The following GPM6A variants were observed in gnomAD, a reference collection of about 807,000 sequenced individuals.
GPM6A encodes neuronal membrane glycoprotein M6-a.
Under a neutral mutation model 32.1 loss-of-function variants are expected in GPM6A, and 7 were observed. The ratio of observed to expected loss-of-function variants is 0.22; its 90% confidence interval spans 0.12 to 0.41. The LOEUF (loss-of-function observed/expected upper bound fraction) is 0.41. Ranked by LOEUF, GPM6A falls within the 10% of genes least tolerant of loss-of-function variation. GPM6A has a pLI of 1.00. For synonymous variants in GPM6A, 130 were observed against 123.4 expected (o/e 1.05, Z -0.35); for missense variants, 235 against 347.2 (o/e 0.68, Z 2.57).
At chr4:175,929,550 T>C (rs969612646) in intron 1 of GPM6A, among the ~76,000 whole-genome samples, 2 of 152,200 alleles carry the variant, frequency 1.3e-5, no homozygotes, top group South Asian at 2.1e-4. Flanking sequence ...GGATGAGGCA[T>C]GTATACGACT....
chr4:175,703,584 A>T (rs1429014695), intron 1 of GPM6A, among the ~76,000 whole-genome samples: 1 of 152,222 alleles, frequency 6.6e-6, no homozygotes, highest in East Asian at 1.9e-4. Context: ...TTACTTATTA[A>T]AACACAGCTT....
chr4:175,635,147 C>T (rs1411991665), intron 6 of GPM6A, 90 bp from the exon 7 acceptor site: 3 of 907,234 alleles, frequency 3.3e-6, no homozygotes, highest in African/African-American at 3.4e-5. Flanking sequence ...CGAATTATAG[C>T]TCTTTATAGG....
chr4:175,935,813 T>C (rs1739200802), intron 1 of GPM6A, among the ~76,000 whole-genome samples: 2 of 151,990 alleles, frequency 1.3e-5, no homozygotes, highest in Admixed American at 1.3e-4. Flanking sequence ...ATAGTGGATG[T>C]TCAAGAGTAA....
At chr4:175,794,763 T>C (rs1191523361) in intron 1 of GPM6A, among the ~76,000 whole-genome samples, 1 of 152,114 alleles carries the variant, frequency 6.6e-6, no homozygotes, top group Non-Finnish European at 1.5e-5. Context: ...ACACATCACG[T>C]GAGGGCATGC....
At chr4:175,980,122 G>T (rs1740777759) in intron 1 of GPM6A, among the ~76,000 whole-genome samples, 1 of 152,072 alleles carries the variant, frequency 6.6e-6, no homozygotes, top group Non-Finnish European at 1.5e-5. Context: ...CAGTTTGGGG[G>T]GCTCAGGCAG....
chr4:175,720,765 C>T (rs1208333224), intron 1 of GPM6A, among the ~76,000 whole-genome samples: 2 of 152,050 alleles, frequency 1.3e-5, no homozygotes, highest in East Asian at 3.9e-4. Flanking sequence ...AACATGATGT[C>T]CAGTCAAATT....
At chr4:175,696,253 T>A (rs1300546825) in intron 2 of GPM6A, among the ~76,000 whole-genome samples, 1 of 152,116 alleles carries the variant, frequency 6.6e-6, no homozygotes, top group Non-Finnish European at 1.5e-5. Context: ...ATACATCCCT[T>A]TTACTGATTA....
intron 2 of GPM6A, among the ~76,000 whole-genome samples, chr4:175,688,606 T>C (rs765156930): frequency 6.6e-6 from 1 of 151,656 alleles, no homozygotes; most frequent in Non-Finnish European, 1.5e-5. Flanking sequence ...AGAGTGACTA[T>C]AGTTAAAAAT....
intron 4 of GPM6A, among the ~76,000 whole-genome samples, chr4:175,649,327 G>T (rs1181510311): frequency 6.6e-6 from 1 of 152,174 alleles, no homozygotes; most frequent in Non-Finnish European, 1.5e-5. Context: ...TTAATTTGGG[G>T]ATCACAAGCA....
chr4:175,799,926 G>A (rs1008113080), intron 1 of GPM6A, among the ~76,000 whole-genome samples: 2 of 152,078 alleles, frequency 1.3e-5, no homozygotes, highest in Non-Finnish European at 2.9e-5. Context: ...TTGAGCAAGA[G>A]GCTTAATATA....
chr4:175,926,243 C>T (rs1167007662), intron 1 of GPM6A, among the ~76,000 whole-genome samples: 1 of 152,066 alleles, frequency 6.6e-6, no homozygotes, highest in African/African-American at 2.4e-5. Flanking sequence ...AATGTTTATT[C>T]AAAGTATCCA....
intron 1 of GPM6A, among the ~76,000 whole-genome samples, chr4:175,931,970 T>C (rs1172643498): frequency 6.6e-6 from 1 of 151,576 alleles, no homozygotes; most frequent in Non-Finnish European, 1.5e-5. Context: ...TGCATGCCTG[T>C]AGTCCTAGCT....
At chr4:175,952,652 C>T (rs1255240934) in intron 1 of GPM6A, among the ~76,000 whole-genome samples, 3 of 152,090 alleles carry the variant, frequency 2.0e-5, no homozygotes, top group Non-Finnish European at 4.4e-5. Flanking sequence ...TTTTGTAATA[C>T]ATTTTGTCCC....
intron 3 of GPM6A, among the ~76,000 whole-genome samples, chr4:175,664,877 C>A (rs1280720785): frequency 6.6e-6 from 1 of 152,154 alleles, no homozygotes; most frequent in Non-Finnish European, 1.5e-5. Flanking sequence ...TATACTTACA[C>A]AAACCTAGAT....
chr4:175,642,564 G>C (rs1741209961), intron 4 of GPM6A, among the ~76,000 whole-genome samples: 1 of 152,090 alleles, frequency 6.6e-6, no homozygotes, highest in South Asian at 2.1e-4. Flanking sequence ...ATTAAACACA[G>C]TTGATGCCCA....
intron 1 of GPM6A, among the ~76,000 whole-genome samples, chr4:175,970,409 GA>G (rs1050467298): frequency 1.1e-4 from 17 of 151,892 alleles, no homozygotes; most frequent in Non-Finnish European, 2.1e-4. Flanking sequence ...CAGGGGAAAT[GA>G]AAAAAAAGTT....
chr4:175,768,253 A>AT (rs964650172), intron 1 of GPM6A, among the ~76,000 whole-genome samples: 2 of 152,174 alleles, frequency 1.3e-5, no homozygotes, highest in African/African-American at 2.4e-5. Flanking sequence ...GTTCCAAGGG[A>AT]TTTTTTTAAA....
chr4:175,908,576 A>T (rs1429669395), intron 1 of GPM6A, among the ~76,000 whole-genome samples: 1 of 152,102 alleles, frequency 6.6e-6, no homozygotes, highest in African/African-American at 2.4e-5. Flanking sequence ...CTAGGGATAA[A>T]CTTTGAGGAA....
At chr4:175,700,592 ATTAG>A (rs1265760060) in intron 2 of GPM6A, among the ~76,000 whole-genome samples, 2 of 152,220 alleles carry the variant, frequency 1.3e-5, no homozygotes, top group Non-Finnish European at 2.9e-5. Context: ...AAAGCATCAT[ATTAG>A]TTAAAAATGT....
Sources: allele counts gnomAD v4.1 joint callset (sites outside exome capture counted in the v4.1 genomes callset), GRCh38; gene constraint gnomAD v4.1.1; transcripts MANE v1.5; gene names NCBI Gene and HGNC (gene_info 2026-07-23, HGNC 2026-07-21).